RAD52: variants seen among roughly 807,000 people sequenced by gnomAD.
The protein encoded by RAD52 is RAD52 DNA repair protein.
A neutral mutation model predicts 55.5 loss-of-function variants in RAD52; 47 were observed. The ratio of observed to expected loss-of-function variants is 0.85; its 90% CI spans 0.67 to 1.08. RAD52 has a LOEUF of 1.08. Ranked by LOEUF, RAD52 falls within the 50% of genes least tolerant of loss-of-function variation. RAD52 has a pLI of 0.00. For synonymous variants in RAD52, 184 were observed against 198.9 expected, an observed-to-expected ratio of 0.92 and a Z score of 0.63; for missense variants, 468 against 522.8, an observed-to-expected ratio of 0.90 and a Z score of 1.02.
In RAD52 at chr12:931,951, A is replaced by G. The variant is rs11571406; in HGVS notation, c.85-630T>C. Among the ~76,000 whole-genome samples the G allele has an allele frequency of 4.6e-3, 706 of 152,258 alleles. 6 individuals are homozygous for G. The highest frequency in any genetic ancestry group is 0.016 in the African/African-American group (656 of 41,550). ...TGCTCAGATGAGATGAATACTCACA[A>G]CTCTCTGCTAAAGACAAAGATGGAG... On this transcript the variant is annotated intron_variant, in intron 2 of 11. Transcript: ENST00000358495.
At chr12:974,709 A>G (rs1958913525) in intron 1 of RAD52, 1 of 152,242 alleles carries the variant, frequency 6.6e-6, no homozygotes, top group Non-Finnish European at 1.5e-5. Flanking sequence ...TACTTACTAC[A>G]TACTAAGTAA....
chr12:916,242 G>A, intron 9 of RAD52, 102 bp downstream of exon 9: 2 of 1,531,314 alleles, frequency 1.3e-6, no homozygotes, highest in South Asian at 2.5e-5. Context: ...GCGAGGCCTG[G>A]TTTGGAGCCG....
intron 9 of RAD52, among the ~76,000 whole-genome samples, chr12:915,413 G>GTCCTCTGTGAATCTGCTTCACA (rs1956304496): frequency 1.3e-5 from 2 of 152,204 alleles, no homozygotes; most frequent in African/African-American, 4.8e-5. Flanking sequence ...CATGAAGCAA[G>GTCCTCTGTGAATCTGCTTCACA]TCCTCTGTGA....
At chr12:990,856 C>T (rs934455416), upstream of RAD52, among the ~76,000 whole-genome samples, 1 of 151,932 alleles carries the variant, frequency 6.6e-6, no homozygotes, top group Non-Finnish European at 1.5e-5. Flanking sequence ...CCACTTCCTA[C>T]GGCAAGCAGG....
At chr12:957,734 G>A (rs1359488304) in intron 1 of RAD52, among the ~76,000 whole-genome samples, 1 of 152,198 alleles carries the variant, frequency 6.6e-6, no homozygotes, top group African/African-American at 2.4e-5. Flanking sequence ...AGGTTGCAGT[G>A]AGTGGAGATC....
At chr12:943,865 G>A (rs1958050582) in intron 1 of RAD52, among the ~76,000 whole-genome samples, 8 of 151,344 alleles carry the variant, frequency 5.3e-5, no homozygotes. Flanking sequence ...AGGTCATGAA[G>A]ATATTCTTCT....
chr12:969,519 G>A (rs1387562565), intron 1 of RAD52, among the ~76,000 whole-genome samples: 5 of 151,982 alleles, frequency 3.3e-5, no homozygotes, highest in Admixed American at 3.3e-4. Context: ...GGGCATGGTG[G>A]CTCAAGCCTG....
At chr12:987,308 T>C (rs1268090631) in intron 1 of RAD52, among the ~76,000 whole-genome samples, 2 of 152,236 alleles carry the variant, frequency 1.3e-5, no homozygotes, top group Non-Finnish European at 2.9e-5. Flanking sequence ...CTCCTTTTTT[T>C]CCTCTTTGGA....
rs60547688 is a variant in RAD52 at position 961,309 on chromosome 12, C to CAAAAAAAAAAAAAAAAAAAAAAAA, written c.-18-28234_-18-28233insTTTTTTTTTTTTTTTTTTTTTTTT. Among the ~76,000 whole-genome samples the CAAAAAAAAAAAAAAAAAAAAAAAA allele has an allele frequency of 1.6e-3, 53 of 33,806 alleles. 2 individuals are homozygous for CAAAAAAAAAAAAAAAAAAAAAAAA. Among genetic ancestry groups the CAAAAAAAAAAAAAAAAAAAAAAAA allele is most frequent in the Non-Finnish European group, 2.0e-3 (36 of 17,694 alleles). The allele number at this position is 33,806 out of a possible 152,430, so 22.2% of individuals were successfully genotyped here. Reference sequence around the variant, plus strand: ...TGGGTGACAGAGTGAGACTCCATCTCAAAAAAAAAAAAAAAAAAAAAAAGG... The same window carrying CAAAAAAAAAAAAAAAAAAAAAAAA: ...TGGGTGACAGAGTGAGACTCCATCTCAAAAAAAAAAAAAAAAAAAAAAAAAAAAAAAAAAAAAAAAAAAAAAAGG... On this transcript the variant is annotated intron_variant, in intron 1 of 11. Coordinates refer to the RAD52 transcript ENST00000430095.
In RAD52 at chr12:912,746, C is replaced by CAA. The variant is rs60815165; in HGVS notation, c.*643_*644dup. 8.7e-4 allele frequency: 85 copies of CAA among 97,962 alleles called. 1 individual carries two copies. The highest frequency in any genetic ancestry group is 4.0e-4 in the Admixed American group (3 of 7,408). The allele number at this position is 97,962 out of a possible 1,614,324, so 6.1% of individuals were successfully genotyped here. ...TCAAAAAAAAAAAAAAAAAAAAAAA[C>CAA]AAAAAACAGCCTTTTTTCGTGGTCT... On this transcript the variant is annotated 3_prime_UTR_variant, in exon 12 of 12. Transcript: ENST00000358495.
At chr12:946,931 G>A (rs1003914814) in intron 1 of RAD52, among the ~76,000 whole-genome samples, 5 of 152,216 alleles carry the variant, frequency 3.3e-5, no homozygotes, top group South Asian at 2.1e-4. Context: ...AATCTCTGAC[G>A]GTTTCTGCCT....
chr12:966,427 T>C (rs895682573), intron 1 of RAD52, among the ~76,000 whole-genome samples: 2 of 152,042 alleles, frequency 1.3e-5, no homozygotes, highest in Non-Finnish European at 2.9e-5. Context: ...GAACTGAGGA[T>C]GGTCAAGCAG....
At chr12:933,495 A>G (rs1011370605) in intron 1 of RAD52, among the ~76,000 whole-genome samples, 3 of 150,956 alleles carry the variant, frequency 2.0e-5, no homozygotes, top group Non-Finnish European at 2.9e-5. Flanking sequence ...GCAATACCCT[A>G]AGAGTTATTT....
chr12:952,099 G>T (rs1004237908), upstream of RAD52, among the ~76,000 whole-genome samples: 1 of 152,136 alleles, frequency 6.6e-6, no homozygotes, highest in Non-Finnish European at 1.5e-5. Context: ...AAGTAGCTAG[G>T]ATTACAGAGG....
chr12:914,562 G>C (rs1956256053), intron 9 of RAD52, 30 bp from the exon 10 acceptor site: 1 of 1,611,528 alleles, frequency 6.2e-7, no homozygotes, highest in South Asian at 1.1e-5. Flanking sequence ...GAAAGGACAA[G>C]TCATCATCAC....
chr12:947,886 C>CAAAAAAAAAAAA (rs10602471), intron 1 of RAD52, among the ~76,000 whole-genome samples: 1 of 91,100 alleles, frequency 1.1e-5, no homozygotes. Context: ...AACTTCATCT[C>CAAAAAAAAAAAA]AAAAAAAAAA....
chr12:986,721 C>A (rs1959090066), intron 1 of RAD52, among the ~76,000 whole-genome samples: 1 of 151,582 alleles, frequency 6.6e-6, no homozygotes, highest in Admixed American at 6.6e-5. Flanking sequence ...AAAGTTGAAA[C>A]CCCTAAAAGC....
chr12:936,633 C>T (rs1366142005), intron 1 of RAD52, among the ~76,000 whole-genome samples: 1 of 152,118 alleles, frequency 6.6e-6, no homozygotes, highest in Non-Finnish European at 1.5e-5. Flanking sequence ...GACAGGACTA[C>T]AGGTGAGTGC....
At chr12:957,388 G>A (rs967403518) in intron 1 of RAD52, among the ~76,000 whole-genome samples, 8 of 150,424 alleles carry the variant, frequency 5.3e-5, no homozygotes, top group Admixed American at 2.7e-4. Context: ...GCTTAAGCCC[G>A]GGAGGCGGAG....
Sources: allele counts gnomAD v4.1 joint callset (sites outside exome capture counted in the v4.1 genomes callset), GRCh38; gene constraint gnomAD v4.1.1; transcripts MANE v1.5; gene names NCBI Gene and HGNC (gene_info 2026-07-23, HGNC 2026-07-21).